Variants in DLAT observed in about 807,000 individuals in gnomAD.
The protein encoded by DLAT is dihydrolipoyllysine-residue acetyltransferase component of pyruvate dehydrogenase complex, mitochondrial.
In DLAT, 43 loss-of-function variants were observed where a neutral mutation model predicts 68.0. The observed-to-expected ratio is 0.63, with a 90% CI of 0.50 to 0.81. The LOEUF (loss-of-function observed/expected upper bound fraction) is 0.81. Ranked by LOEUF, DLAT falls within the 40% of genes least tolerant of loss-of-function variation. The pLI, the probability that DLAT is intolerant of heterozygous loss-of-function variation, is 0.00. For missense variants in DLAT, 745 were observed against 815.4 expected (o/e 0.91, Z 1.05); for synonymous variants, 265 against 288.6 (o/e 0.92, Z 0.83).
intron 11 of DLAT, among the ~76,000 whole-genome samples, chr11:112,053,030 T>C (rs1368753829): frequency 6.6e-6 from 1 of 152,142 alleles, no homozygotes; most frequent in Non-Finnish European, 1.5e-5. Context: ...CACTTACTAA[T>C]ATTTATTAAT....
intron 11 of DLAT, among the ~76,000 whole-genome samples, chr11:112,057,464 A>G (rs924101671): frequency 4.6e-5 from 7 of 152,264 alleles, no homozygotes; most frequent in African/African-American, 7.2e-5. Flanking sequence ...AGCTCTTGAA[A>G]GAAATGAAAA....
intron 11 of DLAT, among the ~76,000 whole-genome samples, chr11:112,054,744 C>T (rs1288324106): frequency 5.3e-5 from 8 of 152,222 alleles, no homozygotes; most frequent in African/African-American, 1.9e-4. Context: ...TATTCTCTCA[C>T]AGTTCGGGAA....
At position 112,028,648 on chromosome 11, in the gene DLAT, T is replaced by G; in HGVS notation, c.506+9T>G. ...TGTATCACAGTTGGCAAGTGAGTAG[T>G]GCGCTCATAATTTGTGGAACTTCAT... On this transcript the variant is annotated intron_variant, in intron 3 of 13. Transcript: ENST00000280346. 1 of 1,614,152 alleles carries G rather than the reference T, an allele frequency of 6.2e-7. No homozygotes were observed. The highest frequency in any genetic ancestry group is 1.1e-5 in the South Asian group (1 of 91,088).
At chr11:112,037,011 C>T in intron 5 of DLAT, 29 of 448,138 alleles carry the variant, frequency 6.5e-5, no homozygotes, top group Middle Eastern at 6.1e-4. Context: ...TACTTTGTAC[C>T]AGGTTGTATT....
intron 10 of DLAT, among the ~76,000 whole-genome samples, chr11:112,049,929 G>A (rs1296410366): frequency 1.3e-5 from 2 of 152,190 alleles, no homozygotes; most frequent in South Asian, 2.1e-4. Context: ...AGGCAATGTT[G>A]AATAGGTGTA....
At chr11:112,034,063 G>A (rs1364877534) in intron 5 of DLAT, among the ~76,000 whole-genome samples, 4 of 152,170 alleles carry the variant, frequency 2.6e-5, no homozygotes, top group African/African-American at 9.7e-5. Context: ...AGTCAGATTT[G>A]TCAGTTCCAT....
chr11:112,045,228 CG>C lies in DLAT; in HGVS notation c.1290+1del, dbSNP rs782614850. 1 of 1,612,728 alleles carries C rather than the reference CG, an allele frequency of 6.2e-7. No homozygotes were observed. Among genetic ancestry groups the C allele is most frequent in the Non-Finnish European group, 8.5e-7 (1 of 1,178,834 alleles). On this transcript the variant is annotated frameshift_variant and splice_region_variant, in exon 9 of 14. Coordinates refer to ENST00000280346, the MANE Select transcript of DLAT (RefSeq NM_001931.5). LOFTEE classifies it high-confidence loss of function. ...FTDIPISNIRRVIAQRLMQSK... is the reference protein window; with the variant it reads ...FTDIPISNIRXVIAQRLMQSK... ...AGATATCCCAATCAGCAACATTCGT[CG>C]GGTAAGAGAATTACCATCATCTGGA...
At chr11:112,030,022 C>T (rs887653723) in intron 4 of DLAT, 21 of 1,012,140 alleles carry the variant, frequency 2.1e-5, no homozygotes, top group South Asian at 1.6e-4. Context: ...GTACTGGGAC[C>T]GCTGTTTGCC....
intron 4 of DLAT, among the ~76,000 whole-genome samples, chr11:112,033,161 T>C (rs1566614660): frequency 6.6e-6 from 1 of 152,226 alleles, no homozygotes; most frequent in Non-Finnish European, 1.5e-5. Context: ...TCCCATGTGC[T>C]TGTTGCATTT....
chr11:112,035,406 A>G (rs1862648756), intron 5 of DLAT, among the ~76,000 whole-genome samples: 1 of 152,212 alleles, frequency 6.6e-6, no homozygotes, highest in Non-Finnish European at 1.5e-5. Context: ...CAGTGTCACT[A>G]TAGAGACTAG....
chr11:112,025,809 C>G, intron 1 of DLAT, 58 bp downstream of exon 1: 1 of 1,600,008 alleles, frequency 6.2e-7, no homozygotes, highest in Non-Finnish European at 8.5e-7. Context: ...GACTGGATGC[C>G]TGCAAGATCC....
chr11:112,040,571 T>C (rs187461062), intron 7 of DLAT, among the ~76,000 whole-genome samples: 1 of 152,314 alleles, frequency 6.6e-6, no homozygotes, highest in Admixed American at 6.5e-5. Context: ...GGTTATCCCG[T>C]ATCTGCAATT....
chr11:112,039,149 A>G, intron 6 of DLAT, 95 bp from the exon 7 acceptor site: 1 of 1,211,588 alleles, frequency 8.3e-7, no homozygotes, highest in Non-Finnish European at 1.1e-6. Flanking sequence ...TTTAATTAAA[A>G]TAGTTTTAAT....
At chr11:112,060,248 G>A (rs1299886122) in intron 12 of DLAT, among the ~76,000 whole-genome samples, 183 bp downstream of exon 12, 1 of 140,368 alleles carries the variant, frequency 7.1e-6, no homozygotes, top group Admixed American at 7.8e-5. Context: ...TGCAAGCTCC[G>A]CCTCCTGGGT....
chr11:112,029,021 T>C (rs1457057056), intron 4 of DLAT, 76 bp downstream of exon 4: 1 of 1,529,778 alleles, frequency 6.5e-7, no homozygotes, highest in Non-Finnish European at 9.0e-7. Context: ...GGCTACTACA[T>C]CTTGGAAACT....
intron 4 of DLAT, 121 bp downstream of exon 4, chr11:112,029,066 G>A (rs1477033421): frequency 2.7e-6 from 3 of 1,118,252 alleles, no homozygotes; most frequent in Middle Eastern, 2.6e-4. Flanking sequence ...TCATTTGGGA[G>A]TATATAGGTT....
rs1255401502 is a variant in DLAT at position 112,062,636 on chromosome 11, T to G, written c.*101T>G. On this transcript the variant is annotated 3_prime_UTR_variant, in exon 14 of 14. Transcript: ENST00000280346. ...GGTGGTTCTTTTTATTTTAACCAGT[T>G]ATTTTTATTATTGAGTCTGTCCAGA... The G allele has an allele frequency of 7.5e-7, 1 of 1,337,652 alleles. No homozygotes were observed. Among genetic ancestry groups the G allele is most frequent in the Non-Finnish European group, 1.0e-6 (1 of 959,468 alleles). The allele number at this position is 1,337,652 out of a possible 1,614,324, so 82.9% of individuals were successfully genotyped here.
chr11:112,035,304 C>T (rs1555180308), intron 5 of DLAT, among the ~76,000 whole-genome samples: 1 of 152,080 alleles, frequency 6.6e-6, no homozygotes, highest in Non-Finnish European at 1.5e-5. Context: ...TTTGTGCTTC[C>T]CCATAAATTT....
intron 11 of DLAT, among the ~76,000 whole-genome samples, chr11:112,053,575 C>T (rs182205004): frequency 7.9e-5 from 12 of 152,206 alleles, no homozygotes; most frequent in Admixed American, 3.3e-4. Flanking sequence ...ACCTCAGCCT[C>T]CTGAGTAGCT....
Sources: gnomAD v4.1 joint callset for allele counts (sites outside exome capture counted in the v4.1 genomes callset) on GRCh38, gnomAD v4.1.1 for gene constraint, MANE v1.5 for transcripts, NCBI Gene and HGNC (gene_info 2026-07-23, HGNC 2026-07-21) for gene names.